The following ARHGAP8 variants were observed in gnomAD, a reference collection of about 807,000 sequenced individuals.
ARHGAP8 encodes the protein rho GTPase-activating protein 8.
In ARHGAP8, 62 loss-of-function variants were observed where a neutral mutation model predicts 46.1. That is an observed-to-expected ratio of 1.34 (90% CI 1.10 to 1.66). The LOEUF is 1.66. ARHGAP8 is among the 40% of genes most tolerant of loss of function. The pLI, the probability that ARHGAP8 is intolerant of heterozygous loss-of-function variation, is 0.00. For missense variants in ARHGAP8, 923 were observed against 568.4 expected, an observed-to-expected ratio of 1.62 and a Z score of -6.34; for synonymous variants, 375 against 243.1, an observed-to-expected ratio of 1.54 and a Z score of -5.05.
chr22:44,855,016 TGA>T (rs2070187085), intron 10 of ARHGAP8, among the ~76,000 whole-genome samples: 2 of 152,240 alleles, frequency 1.3e-5, no homozygotes, highest in African/African-American at 2.4e-5. Flanking sequence ...CACAAGAACT[TGA>T]AAAGAATGTT....
rs1260035571 is a variant in ARHGAP8 at position 44,859,824 on chromosome 22, T to A, written c.971T>A (p.Phe324Tyr). The change falls in exon 11 of 12, where the codon TTC (phenylalanine) becomes TAC (tyrosine). Residue 324 changes from phenylalanine to tyrosine, a missense_variant. Physicochemically the swap from Phe to Tyr is conservative, Grantham distance 22 (BLOSUM62 3). Transcript: ENST00000356099. Reference protein sequence around the residue: ...NYVVLRYLMGFLHAVSRESIF... With the variant: ...NYVVLRYLMGYLHAVSRESIF... ...GTCGTCCTCCGCTACCTCATGGGCT[T>A]CCTGCATGCGGTGAGTGGGGAAGGG... The A allele has an allele frequency of 6.2e-6, 10 of 1,613,780 alleles. No individual in the cohort carries two copies. Among genetic ancestry groups the A allele is most frequent in the Non-Finnish European group, 5.9e-6 (7 of 1,179,898 alleles).
chr22:44,805,144 G>C (rs185657660), intron 3 of ARHGAP8, among the ~76,000 whole-genome samples: 1 of 152,206 alleles, frequency 6.6e-6, no homozygotes, highest in Non-Finnish European at 1.5e-5. Flanking sequence ...GCATTCCCTT[G>C]TCAGGTCATT....
intron 1 of ARHGAP8, among the ~76,000 whole-genome samples, chr22:44,759,836 C>T (rs1602137899): frequency 2.0e-5 from 3 of 152,340 alleles, no homozygotes; most frequent in South Asian, 4.1e-4. Flanking sequence ...CCCTGGGAGG[C>T]GGGACAGCCT....
At chr22:44,861,163 G>C (rs1464413884) in intron 11 of ARHGAP8, among the ~76,000 whole-genome samples, 1 of 152,114 alleles carries the variant, frequency 6.6e-6, no homozygotes, top group East Asian at 1.9e-4. Flanking sequence ...GTAGAGATGG[G>C]GTTTCGTCAC....
Position 44,859,698 on chromosome 22 carries a change from T to A in ARHGAP8, c.878-33T>A, listed in dbSNP as rs370881455. 1,273 of 1,609,398 alleles carry A rather than the reference T, an allele frequency of 7.9e-4. 1 individual carries two copies. The highest frequency in any genetic ancestry group is 1.6e-3 in the Admixed American group (93 of 59,964). ...GATGCAGCGCTGCCCCTGGCCCCTCTGGAGCTCAGCAGGGAGCCCCATGCC... is the reference window on the plus strand; with the variant it reads ...GATGCAGCGCTGCCCCTGGCCCCTCAGGAGCTCAGCAGGGAGCCCCATGCC... On this transcript the variant is annotated intron_variant, in intron 10 of 11. Transcript: ENST00000356099.
intron 11 of ARHGAP8, among the ~76,000 whole-genome samples, chr22:44,860,860 T>G (rs1370514990): frequency 6.6e-6 from 1 of 152,196 alleles, no homozygotes; most frequent in African/African-American, 2.4e-5. Context: ...CGCCCCAGGC[T>G]GTGCAGGGTG....
At chr22:44,830,600 G>A (rs949931617) in intron 7 of ARHGAP8, among the ~76,000 whole-genome samples, 10 of 151,744 alleles carry the variant, frequency 6.6e-5, no homozygotes, top group African/African-American at 1.9e-4. Context: ...GCAATGACAC[G>A]ATCTCGGCTC....
At chr22:44,848,107 C>G (rs2070004618) in intron 9 of ARHGAP8, 57 bp downstream of exon 9, 2 of 1,593,174 alleles carry the variant, frequency 1.3e-6, no homozygotes, top group Admixed American at 1.7e-5. Context: ...GCACAGCGCT[C>G]CGGGGCCTCA....
rs927728575 is a variant in ARHGAP8, at chr22:44,862,384, T to TGCCCCTA, written c.1097_1098insAGCCCCT (p.Asn367AlafsTer7). 6.2e-7 allele frequency: 1 copy of TGCCCCTA among 1,614,028 alleles called. No homozygotes were observed. The highest frequency in any genetic ancestry group is 1.3e-5 in the African/African-American group (1 of 74,916). ...GGGGTCTCCTCCCTGAGTGCCCTTG[T>TGCCCCTA]GCCCCTGAACATGTTCACTGAACTG... On this transcript the variant is annotated frameshift_variant, in exon 12 of 12. Coordinates refer to ENST00000356099, the MANE Select transcript of ARHGAP8 (RefSeq NM_181335.3). LOFTEE classifies it low-confidence loss of function (END_TRUNC).
intron 10 of ARHGAP8, 152 bp from the exon 11 acceptor site, chr22:44,859,579 C>A (rs138633847): frequency 2.7e-6 from 2 of 733,154 alleles, no homozygotes; most frequent in Admixed American, 2.5e-5. Flanking sequence ...CAGAGCCATA[C>A]GGCCAGAAGA....
At chr22:44,842,171 A>G (rs1037382550) in intron 7 of ARHGAP8, among the ~76,000 whole-genome samples, 1 of 152,184 alleles carries the variant, frequency 6.6e-6, no homozygotes, top group African/African-American at 2.4e-5. Context: ...ATCCTGGCCA[A>G]CATGGTGAAA....
Position 44,804,122 on chromosome 22 carries a change from A to G in ARHGAP8, c.167+1958A>G, listed in dbSNP as rs1178598755. ...CTCCTCAAAGCCACATGGGCCTCGC[A>G]CCCTGCACCCTCTGCATTGGCCGTT... On this transcript the variant is annotated intron_variant, in intron 3 of 11. Coordinates refer to ENST00000356099, the MANE Select transcript of ARHGAP8 (RefSeq NM_181335.3). Among the ~76,000 whole-genome samples the G allele has an allele frequency of 6.6e-5, 10 of 151,642 alleles. 1 individual carries two copies. Among genetic ancestry groups the G allele is most frequent in the Admixed American group, 6.6e-4 (10 of 15,226 alleles).
intron 1 of ARHGAP8, among the ~76,000 whole-genome samples, chr22:44,772,411 G>A (rs1217218604): frequency 7.0e-6 from 1 of 142,004 alleles, no homozygotes. Context: ...GTTGGTCTCG[G>A]ACTCCTGACC....
chr22:44,775,537 T>C (rs2147023478), intron 1 of ARHGAP8, among the ~76,000 whole-genome samples: 1 of 152,160 alleles, frequency 6.6e-6, no homozygotes, highest in South Asian at 2.1e-4. Flanking sequence ...AACCTCTGCC[T>C]CCCGGGTTCA....
Position 44,862,633 on chromosome 22 carries a change from C to T in ARHGAP8, c.*38C>T, listed in dbSNP as rs10439933. On this transcript the variant is annotated 3_prime_UTR_variant, in exon 12 of 12. Transcript: ENST00000356099. ...TCTGTATATTTCGAGCTACCTCCCA[C>T]ACCTGTCTGTGCACTTGTATGTTTT... 3.4e-3 allele frequency: 5,235 copies of T among 1,521,784 alleles called. 122 individuals carry two copies. The African/African-American group carries it at 0.059, about 17-fold the overall frequency. The allele number at this position is 1,521,784 out of a possible 1,614,324, so 94.3% of individuals were successfully genotyped here. A position where few individuals can be genotyped will look rare whatever the true frequency, so the allele number is the denominator to read the frequency against.
rs912448472 is a variant in ARHGAP8 at position 44,786,137 on chromosome 22, C to T, written c.-71-320C>T. ...CAGTGGGTGCATGGCTGAGGTAGGT[C>T]GCATAGTGGGTGCTCGGCTGATGTC... On this transcript the variant is annotated intron_variant, in intron 1 of 11. Transcript: ENST00000356099. 1.5e-5 allele frequency: 7 copies of T among 461,706 alleles called. No homozygotes were observed. The East Asian group carries it at 1.7e-4, about 11-fold the overall frequency. 28.6% of individuals were successfully genotyped at this position (461,706 alleles called of 1,614,324 possible).
At chr22:44,786,784 G>A (rs1469770917) in intron 2 of ARHGAP8, among the ~76,000 whole-genome samples, 178 bp downstream of exon 2, 1 of 152,130 alleles carries the variant, frequency 6.6e-6, no homozygotes. Context: ...TGAGGCCAAA[G>A]TGGGCAGATT....
intron 6 of ARHGAP8, among the ~76,000 whole-genome samples, chr22:44,823,807 A>G (rs1462018405): frequency 1.3e-5 from 2 of 152,120 alleles, no homozygotes; most frequent in Non-Finnish European, 2.9e-5. Context: ...CCGGCTTCTC[A>G]GTGGGTACTG....
chr22:44,783,473 G>A (rs1015959692), intron 1 of ARHGAP8, among the ~76,000 whole-genome samples: 1 of 152,176 alleles, frequency 6.6e-6, no homozygotes, highest in African/African-American at 2.4e-5. Context: ...AGGGATCCTG[G>A]AAGCCCCATC....
Sources: allele counts gnomAD v4.1 joint callset (sites outside exome capture counted in the v4.1 genomes callset), GRCh38; gene constraint gnomAD v4.1.1; transcripts MANE v1.5; gene names NCBI Gene and HGNC (gene_info 2026-07-23, HGNC 2026-07-21).